Variants in SLC4A5 observed in about 807,000 individuals in gnomAD.
The protein encoded by SLC4A5 is solute carrier family 4 member 5, also known as electrogenic sodium bicarbonate cotransporter 4.
Under a neutral mutation model 120.4 loss-of-function variants are expected in SLC4A5, and 96 were observed. The ratio of observed to expected loss-of-function variants is 0.80; its 90% CI spans 0.68 to 0.94. The LOEUF (loss-of-function observed/expected upper bound fraction) is 0.94. SLC4A5 is among the 40% of genes least tolerant of loss of function. The pLI is 0.00. For synonymous variants in SLC4A5, 550 were observed against 571.1 expected (o/e 0.96, Z 0.53); for missense variants, 1,259 against 1,459.5 (o/e 0.86, Z 2.24).
chr2:74,254,877 T>C (rs1490125810), intron 13 of SLC4A5, among the ~76,000 whole-genome samples, 171 bp from the exon 14 acceptor site: 8 of 151,300 alleles, frequency 5.3e-5, no homozygotes, highest in Non-Finnish European at 1.0e-4. Context: ...TGGAGTGCAG[T>C]GGCGCAATCT....
intron 9 of SLC4A5, among the ~76,000 whole-genome samples, chr2:74,264,685 G>C (rs1057204428): frequency 1.3e-5 from 2 of 152,102 alleles, no homozygotes; most frequent in African/African-American, 4.8e-5. Context: ...CAATGTGCTA[G>C]AACAAAACTC....
intron 10 of SLC4A5, among the ~76,000 whole-genome samples, chr2:74,262,517 T>C (rs576728350): frequency 6.6e-6 from 1 of 151,812 alleles, no homozygotes; most frequent in Non-Finnish European, 1.5e-5. Context: ...CTGGCCAACA[T>C]GGTGAAACCC....
At chr2:74,300,126 G>A (rs541466867) in intron 7 of SLC4A5, among the ~76,000 whole-genome samples, 1 of 152,318 alleles carries the variant, frequency 6.6e-6, no homozygotes, top group Non-Finnish European at 1.5e-5. Flanking sequence ...CAGAACTATT[G>A]CATGTTCTCA....
At chr2:74,329,399 G>A (rs553100241) in intron 4 of SLC4A5, among the ~76,000 whole-genome samples, 1 of 152,302 alleles carries the variant, frequency 6.6e-6, no homozygotes, top group East Asian at 1.9e-4. Context: ...AGACCAGCCT[G>A]ACCAACATGG....
At chr2:74,316,277 T>C (rs1387073135) in intron 5 of SLC4A5, among the ~76,000 whole-genome samples, 1 of 139,116 alleles carries the variant, frequency 7.2e-6, no homozygotes, top group Non-Finnish European at 1.5e-5. Context: ...CAATCAGTCA[T>C]GTATTGATAA....
chr2:74,322,677 A>T (rs938030121), intron 5 of SLC4A5, among the ~76,000 whole-genome samples: 6 of 152,180 alleles, frequency 3.9e-5, no homozygotes, highest in Admixed American at 6.5e-5. Context: ...TTAAATTTTT[A>T]AAAGTATTTT....
intron 8 of SLC4A5, among the ~76,000 whole-genome samples, chr2:74,266,957 A>C (rs1671321116): frequency 6.6e-6 from 1 of 152,266 alleles, no homozygotes. Context: ...AATATTTATA[A>C]CAATGCTCCT....
chr2:74,284,272 G>A (rs1671909857), intron 8 of SLC4A5, among the ~76,000 whole-genome samples: 1 of 94,542 alleles, frequency 1.1e-5, no homozygotes, highest in Non-Finnish European at 1.8e-5. Flanking sequence ...CGCTTCCCGG[G>A]TTCACGCCAT....
exon 26 of SLC4A5, chr2:74,227,878 A>G: frequency 1.2e-6 from 2 of 1,605,532 alleles, no homozygotes; most frequent in African/African-American, 2.7e-5. Flanking sequence ...AGGGGGATAC[A>G]CTAAAATGAG....
chr2:74,325,194 T>G (rs1245697627), intron 5 of SLC4A5, among the ~76,000 whole-genome samples: 1 of 152,240 alleles, frequency 6.6e-6, no homozygotes, highest in Non-Finnish European at 1.5e-5. Context: ...GTACTATGGA[T>G]TCTCAGATTG....
intron 8 of SLC4A5, among the ~76,000 whole-genome samples, chr2:74,271,413 T>C (rs917340374): frequency 4.6e-5 from 7 of 152,148 alleles, no homozygotes; most frequent in African/African-American, 1.2e-4. Flanking sequence ...CCTAGACCAG[T>C]TGACATCAGA....
In SLC4A5 at chr2:74,222,775, A is replaced by T. The variant is rs114224475; in HGVS notation, c.3331+93T>A. 1,364 of 1,162,434 alleles carry T rather than the reference A, an allele frequency of 1.2e-3. 11 individuals are homozygous for T. The African/African-American group carries it at 0.019, about 16-fold the overall frequency. 72.0% of individuals were successfully genotyped at this position (1,162,434 alleles called of 1,614,324 possible). ...GACTGCTGCTCTAGCATCCAAAATG[A>T]TTAGATCCCCCTGAGTTACAGATGA... is the stretch of plus-strand genomic sequence containing the variant. On this transcript the variant is annotated intron_variant, in intron 29 of 30. Coordinates refer to ENST00000394019, the Ensembl canonical transcript of SLC4A5.
rs200545658 is a variant in SLC4A5, at chr2:74,326,795, AAAAC to A, written c.-3+1321_-3+1324del. ...GATGGCACCACTGCACTCAAAAACA[AAAAC>A]AAACAAACAAACAAAACACCTTAAG... On this transcript the variant is annotated intron_variant, in intron 5 of 30. Transcript: ENST00000394019. Among the ~76,000 whole-genome samples the A allele has an allele frequency of 8.7e-3, 1,318 of 152,226 alleles. 12 individuals carry two copies. Among genetic ancestry groups the A allele is most frequent in the Non-Finnish European group, 0.013 (907 of 67,984 alleles).
intron 10 of SLC4A5, 62 bp from the exon 11 acceptor site, chr2:74,262,294 G>A: frequency 7.1e-7 from 1 of 1,400,952 alleles, no homozygotes; most frequent in Non-Finnish European, 1.0e-6. Context: ...GAAGCCTCTT[G>A]GGTTAGTTCA....
intron 4 of SLC4A5, among the ~76,000 whole-genome samples, chr2:74,331,907 G>A (rs1056346387): frequency 8.6e-5 from 13 of 152,032 alleles, no homozygotes; most frequent in African/African-American, 3.1e-4. Flanking sequence ...CCTCCTTCTG[G>A]GAACAGCCTC....
At chr2:74,264,203 G>A in exon 10 of SLC4A5, 3 of 1,614,236 alleles carry the variant, frequency 1.9e-6, no homozygotes, top group Non-Finnish European at 2.5e-6. Context: ...GGGCTTCTTG[G>A]TTTGGTGGCG....
chr2:74,287,287 G>A (rs779655085), intron 7 of SLC4A5, among the ~76,000 whole-genome samples: 9 of 152,190 alleles, frequency 5.9e-5, no homozygotes, highest in Non-Finnish European at 1.0e-4. Context: ...CTCCTCTGCA[G>A]GTGTGTCTGA....
chr2:74,265,341 G>T, intron 8 of SLC4A5, 77 bp from the exon 9 acceptor site: 1 of 1,530,794 alleles, frequency 6.5e-7, no homozygotes, highest in Non-Finnish European at 8.9e-7. Context: ...CCAAAAGAGG[G>T]GTGTCATGTG....
intron 25 of SLC4A5, among the ~76,000 whole-genome samples, chr2:74,228,632 A>G (rs750853221): frequency 8.6e-5 from 13 of 151,950 alleles, no homozygotes; most frequent in Admixed American, 7.2e-4. Context: ...TCTCAAAAAA[A>G]CCAAACAAAG....
Sources: allele counts gnomAD v4.1 joint callset (sites outside exome capture counted in the v4.1 genomes callset), GRCh38; gene constraint gnomAD v4.1.1; transcripts MANE v1.5; gene names NCBI Gene and HGNC (gene_info 2026-07-23, HGNC 2026-07-21).